RAB4A: variants seen among roughly 807,000 people sequenced by gnomAD.
RAB4A encodes the protein ras-related protein Rab-4A.
RAB4A carries 20 observed loss-of-function variants against 34.5 expected under a neutral mutation model. The ratio of observed to expected loss-of-function variants is 0.58; its 90% CI spans 0.41 to 0.84. The LOEUF is 0.84. Among genes scored for constraint, RAB4A ranks in the 40% least tolerant of loss-of-function variants. The pLI is 0.00. For missense variants in RAB4A, 228 were observed against 274.5 expected, an observed-to-expected ratio of 0.83 and a Z score of 1.20; for synonymous variants, 102 against 100.0, an observed-to-expected ratio of 1.02 and a Z score of -0.12.
chr1:229,276,765 A>G (rs986182862), intron 1 of RAB4A, among the ~76,000 whole-genome samples: 1 of 151,364 alleles, frequency 6.6e-6, no homozygotes. Flanking sequence ...AATTAGGGCC[A>G]GTTTACATGA....
In RAB4A at chr1:229,271,216, T is replaced by TG; in HGVS notation, c.-120dup. The TG allele has an allele frequency of 9.9e-7, 1 of 1,007,022 alleles. No homozygotes were observed. Among genetic ancestry groups the TG allele is most frequent in the African/African-American group, 1.7e-5 (1 of 58,852 alleles). The allele number at this position is 1,007,022 out of a possible 1,614,324, so 62.4% of individuals were successfully genotyped here. A position where few individuals can be genotyped will look rare whatever the true frequency, so the allele number is the denominator to read the frequency against. Reference sequence around the variant, plus strand: ...GCCGCTGGGAGACCGGCGGTTGCCGTGGGGACCGGTCGGGCCCCTCCCTCC... The same window carrying TG: ...GCCGCTGGGAGACCGGCGGTTGCCGTGGGGGACCGGTCGGGCCCCTCCCTCC... On this transcript the variant is annotated 5_prime_UTR_variant, in exon 1 of 8. Coordinates refer to ENST00000366690, the MANE Select transcript of RAB4A (RefSeq NM_004578.4).
At chr1:229,274,808 G>A (rs1028769960) in intron 1 of RAB4A, among the ~76,000 whole-genome samples, 1 of 152,220 alleles carries the variant, frequency 6.6e-6, no homozygotes, top group Admixed American at 6.5e-5. Context: ...CAGTTCGAGA[G>A]TGAGGAAAAA....
chr1:229,297,575 G>A lies in RAB4A; in HGVS notation c.384G>A (p.Lys128=), dbSNP rs554151997. 8.1e-6 allele frequency: 13 copies of A among 1,612,832 alleles called. No homozygotes were observed. The highest frequency in any genetic ancestry group is 1.3e-5 in the African/African-American group (1 of 74,924). The change falls in exon 5 of 8, where the codon AAG becomes AAA. Residue 128 remains lysine, a synonymous_variant. Coordinates refer to ENST00000366690, the MANE Select transcript of RAB4A (RefSeq NM_004578.4). ...TGATCATCCTTTGTGGAAACAAGAA[G>A]GACCTGGATGCAGATCGTGAAGTTA... ...NIVIILCGNK[K]DLDADREVTF...
chr1:229,283,883 C>T (rs887843450), intron 1 of RAB4A, among the ~76,000 whole-genome samples: 1 of 148,786 alleles, frequency 6.7e-6, no homozygotes, highest in African/African-American at 2.5e-5. Flanking sequence ...CTCACTACCA[C>T]GCCTGGCTAA....
chr1:229,285,460 A>G (rs1656898310), intron 1 of RAB4A, among the ~76,000 whole-genome samples: 1 of 152,350 alleles, frequency 6.6e-6, no homozygotes, highest in East Asian at 1.9e-4. Flanking sequence ...TAGGCCAAGC[A>G]TCAGTAAAGG....
At chr1:229,283,021 TA>T (rs1656815601) in intron 1 of RAB4A, among the ~76,000 whole-genome samples, 1 of 152,222 alleles carries the variant, frequency 6.6e-6, no homozygotes, top group East Asian at 1.9e-4. Flanking sequence ...GAAACGTGGA[TA>T]TTTTTATATT....
intron 6 of RAB4A, among the ~76,000 whole-genome samples, chr1:229,302,276 TATATATATATATATATATA>T (rs1558242173): frequency 0.018 from 478 of 26,958 alleles, 36 homozygotes; most frequent in African/African-American, 0.023. Flanking sequence ...TATATATATA[TATATATATATATATATATA>T]TATATATATA....
chr1:229,299,419 C>T lies in RAB4A; in HGVS notation c.541+347C>T, dbSNP rs116603936. On this transcript the variant is annotated intron_variant, in intron 6 of 7. Coordinates refer to ENST00000366690, the MANE Select transcript of RAB4A (RefSeq NM_004578.4). The stretch of plus-strand genomic sequence containing the variant: ...GCCTTTGTCCACTCTGTCAACAGCA[C>T]GCTAATTCTGTTGGGCCAGTGGTCA... Among the ~76,000 whole-genome samples the T allele has an allele frequency of 7.0e-3, 1,063 of 152,230 alleles. 11 individuals carry two copies. The highest frequency in any genetic ancestry group is 0.024 in the African/African-American group (999 of 41,542).
intron 1 of RAB4A, among the ~76,000 whole-genome samples, chr1:229,283,087 G>A (rs184736505): frequency 5.9e-5 from 9 of 152,158 alleles, no homozygotes; most frequent in Admixed American, 5.2e-4. Context: ...TCCTCTCTTG[G>A]ACACTACCTT....
intron 6 of RAB4A, among the ~76,000 whole-genome samples, chr1:229,302,335 T>A (rs2102681159): frequency 8.4e-6 from 1 of 118,902 alleles, no homozygotes; most frequent in African/African-American, 3.2e-5. Context: ...TACATGTGCA[T>A]GAGTCTGTGT....
chr1:229,284,790 AT>A (rs1374413660), intron 1 of RAB4A, among the ~76,000 whole-genome samples: 1 of 151,596 alleles, frequency 6.6e-6, no homozygotes, highest in African/African-American at 2.4e-5. Flanking sequence ...GCCATTATTT[AT>A]TTTAACATGG....
At chr1:229,295,944 TCAGTGCCCTGCAGC>T in intron 4 of RAB4A, 34 bp downstream of exon 4, 1 of 1,609,680 alleles carries the variant, frequency 6.2e-7, no homozygotes, top group Non-Finnish European at 8.5e-7. Flanking sequence ...AGGAGGGTGC[TCAGTGCCCTGCAGC>T]CCAAAGGCTG....
At chr1:229,287,129 C>T (rs1051113462) in intron 2 of RAB4A, among the ~76,000 whole-genome samples, 1 of 152,078 alleles carries the variant, frequency 6.6e-6, no homozygotes, top group Non-Finnish European at 1.5e-5. Context: ...ACAAAAAATG[C>T]TTTTTAATAA....
At chr1:229,282,971 A>C (rs1656814057) in intron 1 of RAB4A, among the ~76,000 whole-genome samples, 1 of 152,138 alleles carries the variant, frequency 6.6e-6, no homozygotes, top group Non-Finnish European at 1.5e-5. Context: ...GTTCAGTTTG[A>C]GGTCTTCCTG....
intron 5 of RAB4A, among the ~76,000 whole-genome samples, chr1:229,297,909 G>T (rs1179553168): frequency 6.6e-6 from 1 of 152,018 alleles, no homozygotes; most frequent in Non-Finnish European, 1.5e-5. Context: ...TAGAGATCTT[G>T]GGCTAAAGTG....
chr1:229,277,079 T>G (rs943512212), intron 1 of RAB4A, among the ~76,000 whole-genome samples: 4 of 147,018 alleles, frequency 2.7e-5, no homozygotes, highest in Non-Finnish European at 4.5e-5. Context: ...TAATTATTTA[T>G]ATTTATATAA....
At chr1:229,274,639 G>A (rs201596543) in intron 1 of RAB4A, among the ~76,000 whole-genome samples, 1 of 152,186 alleles carries the variant, frequency 6.6e-6, no homozygotes, top group East Asian at 1.9e-4. Flanking sequence ...AGTATGGCTT[G>A]GGACTTCCCA....
At position 229,295,876 on chromosome 1, in the gene RAB4A, G is replaced by A. The variant is rs780586276; in HGVS notation, c.256G>A (p.Ala86Thr). ...RSVTRSYYRG[A>T]AGALLVYDIT... ...CGTGACGAGAAGTTATTACCGAGGCGCGGCCGGGGCTCTCCTCGTCTATGA... is the reference window on the plus strand; with the variant it reads ...CGTGACGAGAAGTTATTACCGAGGCACGGCCGGGGCTCTCCTCGTCTATGA... Residue 86 changes from alanine (A) to threonine (T), a missense_variant, in exon 4 of 8, where the codon GCG becomes ACG. Physicochemically the swap from Ala to Thr is moderately conservative, Grantham distance 58 (BLOSUM62 0). Transcript: ENST00000366690. 3.7e-6 allele frequency: 6 copies of A among 1,613,894 alleles called. No individual in the cohort carries two copies. Among genetic ancestry groups the A allele is most frequent in the East Asian group, 2.2e-5 (1 of 44,872 alleles).
intron 1 of RAB4A, among the ~76,000 whole-genome samples, chr1:229,275,614 C>CT (rs1028884521): frequency 0.029 from 3,818 of 131,026 alleles, 101 homozygotes; most frequent in Non-Finnish European, 0.046. Context: ...ATTTCTTTTC[C>CT]TTTTTTTTTT....
Sources: allele counts gnomAD v4.1 joint callset (sites outside exome capture counted in the v4.1 genomes callset), GRCh38; gene constraint gnomAD v4.1.1; transcripts MANE v1.5; gene names NCBI Gene and HGNC (gene_info 2026-07-23, HGNC 2026-07-21).